PLPP6: variants seen among roughly 807,000 people sequenced by gnomAD.
PLPP6 encodes polyisoprenoid diphosphate/phosphate phosphohydrolase PLPP6.
A neutral mutation model predicts 16.5 loss-of-function variants in PLPP6; 16 were observed. The observed-to-expected ratio is 0.97, with a 90% CI of 0.66 to 1.47. The LOEUF is 1.47. Among genes scored for constraint, PLPP6 ranks in the 40% most tolerant of loss-of-function variants. PLPP6 has a pLI of 0.00. For missense variants in PLPP6, 512 were observed against 396.6 expected, an observed-to-expected ratio of 1.29 and a Z score of -2.47; for synonymous variants, 226 against 188.1, an observed-to-expected ratio of 1.20 and a Z score of -1.65.
In PLPP6 at chr9:4,663,288, AG is replaced by A; in HGVS notation, c.*27del. Reference sequence around the variant, plus strand: ...ACACCATCTCATTGATTATGGCACCAGGAAGTCTGAAGGTTTCCACATTCGA... The same window carrying A: ...ACACCATCTCATTGATTATGGCACCAGAAGTCTGAAGGTTTCCACATTCGA... On this transcript the variant is annotated 3_prime_UTR_variant, in exon 1 of 1. Transcript: ENST00000381883. The A allele has an allele frequency of 6.3e-7, 1 of 1,599,362 alleles. No individual in the cohort carries two copies. The highest frequency in any genetic ancestry group is 8.5e-7 in the Non-Finnish European group (1 of 1,170,314).
Position 4,663,315 on chromosome 9 carries a change from T to C in PLPP6, c.*52T>C. ...GAAGTCTGAAGGTTTCCACATTCGA[T>C]GATGTCAACCTAAACCAGCAGCCAT... is the stretch of plus-strand genomic sequence containing the variant. On this transcript the variant is annotated 3_prime_UTR_variant, in exon 1 of 1. Transcript: ENST00000381883. 2 of 1,560,876 alleles carry C rather than the reference T, an allele frequency of 1.3e-6. No individual in the cohort carries two copies. Among genetic ancestry groups the C allele is most frequent in the East Asian group, 2.2e-5 (1 of 44,474 alleles).
chr9:4,663,636 A>C lies in PLPP6; in HGVS notation c.*373A>C, dbSNP rs2130813318. ...AATCAACATACCACTTGTAAACTGA[A>C]CTTCGAGAAAGAAACATGATGTTCA... is the stretch of plus-strand genomic sequence containing the variant. On this transcript the variant is annotated 3_prime_UTR_variant, in exon 1 of 1. Coordinates refer to ENST00000381883, the MANE Select transcript of PLPP6 (RefSeq NM_203453.5). 1 of 210,448 alleles carries C rather than the reference A, an allele frequency of 4.8e-6. No homozygotes were observed. The highest frequency in any genetic ancestry group is 1.2e-4 in the South Asian group (1 of 8,474). The allele number at this position is 210,448 out of a possible 1,614,324, so 13.0% of individuals were successfully genotyped here. A position where few individuals can be genotyped will look rare whatever the true frequency, so the allele number is the denominator to read the frequency against.
At position 4,664,924 on chromosome 9, in the gene PLPP6, T is replaced by C. The variant is rs1424842745; in HGVS notation, c.*1661T>C. On this transcript the variant is annotated 3_prime_UTR_variant, in exon 1 of 1. Coordinates refer to ENST00000381883, the MANE Select transcript of PLPP6 (RefSeq NM_203453.5). ...AGCTAAACTGTGAAGCTCTAAGTGG[T>C]TTGGGTTTGTTGTTTAACCTTAGCG... The C allele has an allele frequency of 6.0e-6, 1 of 167,092 alleles. No individual in the cohort carries two copies. The highest frequency in any genetic ancestry group is 1.5e-5 in the Non-Finnish European group (1 of 68,122). 10.4% of individuals were successfully genotyped at this position (167,092 alleles called of 1,614,324 possible). A position where few individuals can be genotyped will look rare whatever the true frequency, so the allele number is the denominator to read the frequency against.
rs566288275 is a variant in PLPP6 at position 4,662,313 on chromosome 9, C to G, written c.-63C>G. The G allele has an allele frequency of 1.6e-5, 23 of 1,441,648 alleles. No individual in the cohort carries two copies. In the South Asian group the frequency reaches 2.8e-4, roughly 17 times the overall value. 89.3% of individuals were successfully genotyped at this position (1,441,648 alleles called of 1,614,324 possible). ...GATGGTAGTGCGGAAGCGGAAGAGG[C>G]TGCAGGGCCGGGAAGCCTCTGTTTG... is the stretch of plus-strand genomic sequence containing the variant. On this transcript the variant is annotated 5_prime_UTR_variant, in exon 1 of 1. Transcript: ENST00000381883. The surrounding 1 kb of genome is among the most constrained non-coding windows in gnomAD (Gnocchi z 4.9).
Position 4,664,562 on chromosome 9 carries a change from C to T in PLPP6, c.*1299C>T, listed in dbSNP as rs1840574623. 1.8e-5 allele frequency: 3 copies of T among 167,058 alleles called. No individual in the cohort carries two copies. The highest frequency in any genetic ancestry group is 4.4e-5 in the Non-Finnish European group (3 of 68,108). The allele number at this position is 167,058 out of a possible 1,614,324, so 10.3% of individuals were successfully genotyped here. On this transcript the variant is annotated 3_prime_UTR_variant, in exon 1 of 1. Coordinates refer to ENST00000381883, the MANE Select transcript of PLPP6 (RefSeq NM_203453.5). ...CACCAAACGCAGGGTGGACTCTGCT[C>T]ATTATTCTTTGACCCAGAAAGACTG...
At position 4,664,030 on chromosome 9, in the gene PLPP6, A is replaced by C. The variant is rs1840468057; in HGVS notation, c.*767A>C. Reference sequence around the variant, plus strand: ...ACTTGCTTAAAGAGGAATCACTTAAAAGGTAGGCATATCTAAGATGCTCAT... The same window carrying C: ...ACTTGCTTAAAGAGGAATCACTTAACAGGTAGGCATATCTAAGATGCTCAT... On this transcript the variant is annotated 3_prime_UTR_variant, in exon 1 of 1. Coordinates refer to ENST00000381883, the MANE Select transcript of PLPP6 (RefSeq NM_203453.5). The C allele has an allele frequency of 6.0e-6, 1 of 167,134 alleles. No individual in the cohort carries two copies. The highest frequency in any genetic ancestry group is 2.4e-5 in the African/African-American group (1 of 41,464). The allele number at this position is 167,134 out of a possible 1,614,324, so 10.4% of individuals were successfully genotyped here.
Position 4,662,411 on chromosome 9 carries a change from G to A in PLPP6, c.36G>A (p.Pro12=), listed in dbSNP as rs956700342. 1.3e-6 allele frequency: 2 copies of A among 1,536,356 alleles called. No individual in the cohort carries two copies. The highest frequency in any genetic ancestry group is 1.7e-6 in the Non-Finnish European group (2 of 1,149,428). ...PSPRRSMEGR[P]LGVSASSSSS... ...CCCGGAGGAGCATGGAGGGACGGCC[G>A]CTGGGCGTCTCCGCTTCGAGCAGCA... Residue 12 remains proline (P), a synonymous_variant, in exon 1 of 1, where the codon CCG becomes CCA. Coordinates refer to ENST00000381883, the MANE Select transcript of PLPP6 (RefSeq NM_203453.5). This position sits in a 1 kb window ranked among gnomAD's most constrained non-coding sequence, Gnocchi z 4.9.
Position 4,664,532 on chromosome 9 carries a change from A to G in PLPP6, c.*1269A>G, listed in dbSNP as rs1194823913. On this transcript the variant is annotated 3_prime_UTR_variant, in exon 1 of 1. Transcript: ENST00000381883. ...GGTGCCTCCCCAAATCATAAGACCA[A>G]AGACCACCAAACGCAGGGTGGACTC... 6.0e-6 allele frequency: 1 copy of G among 167,068 alleles called. No homozygotes were observed. Among genetic ancestry groups the G allele is most frequent in the Non-Finnish European group, 1.5e-5 (1 of 68,118 alleles). The allele number at this position is 167,068 out of a possible 1,614,324, so 10.3% of individuals were successfully genotyped here. A position where few individuals can be genotyped will look rare whatever the true frequency, so the allele number is the denominator to read the frequency against.
In PLPP6 at chr9:4,662,960, C is replaced by A. The variant is rs939386715; in HGVS notation, c.585C>A (p.Asn195Lys). The change falls in exon 1 of 1, where the codon AAC becomes AAA. Residue 195 changes from asparagine to lysine, a missense_variant. Asn to Lys is a moderately conservative substitution (Grantham distance 94, BLOSUM62 0). Transcript: ENST00000381883. This position sits in a 1 kb window ranked among gnomAD's most constrained non-coding sequence, Gnocchi z 4.9. ...GLVRRRRPAH[N>K]QMDMFVTLSV... ...TCCGCAGGCGCCGCCCGGCCCACAA[C>A]CAGATGGACATGTTTGTCACTCTCT... The A allele has an allele frequency of 6.2e-7, 1 of 1,612,596 alleles. No homozygotes were observed. The highest frequency in any genetic ancestry group is 8.5e-7 in the Non-Finnish European group (1 of 1,179,938).
chr9:4,663,203 C>G lies in PLPP6; in HGVS notation c.828C>G (p.Asp276Glu). The G allele has an allele frequency of 6.2e-7, 1 of 1,614,080 alleles. No homozygotes were observed. Among genetic ancestry groups the G allele is most frequent in the Non-Finnish European group, 8.5e-7 (1 of 1,180,004 alleles). ...FLGYMQYSIVDYCWLSPHNAP... is the reference protein window; with the variant it reads ...FLGYMQYSIVEYCWLSPHNAP... ...GCTACATGCAGTACAGCATCGTGGA[C>G]TATTGCTGGCTCTCACCCCATAATG... Residue 276 changes from aspartate (D) to glutamate (E), a missense_variant, in exon 1 of 1, where the codon GAC becomes GAG. Transcript: ENST00000381883.
rs752895693 is a variant in PLPP6, at chr9:4,664,437, T to C, written c.*1174T>C. On this transcript the variant is annotated 3_prime_UTR_variant, in exon 1 of 1. Coordinates refer to ENST00000381883, the MANE Select transcript of PLPP6 (RefSeq NM_203453.5). ...AATTCATCATGGGAGTCTGCTGCTA[T>C]ACCAGGCACAAGATAAAACTCCAAA... 2.4e-5 allele frequency: 4 copies of C among 167,074 alleles called. No individual in the cohort carries two copies. Among genetic ancestry groups the C allele is most frequent in the African/African-American group, 7.2e-5 (3 of 41,472 alleles). The allele number at this position is 167,074 out of a possible 1,614,324, so 10.3% of individuals were successfully genotyped here.
In PLPP6 at chr9:4,664,658, C is replaced by G. The variant is rs1312663829; in HGVS notation, c.*1395C>G. ...TTTAAATTACCTATGGAAGTGATGT[C>G]CTCAGATAATCTTAATGACTATTTT... On this transcript the variant is annotated 3_prime_UTR_variant, in exon 1 of 1. Coordinates refer to ENST00000381883, the MANE Select transcript of PLPP6 (RefSeq NM_203453.5). 1.2e-5 allele frequency: 2 copies of G among 167,052 alleles called. No homozygotes were observed. Among genetic ancestry groups the G allele is most frequent in the Non-Finnish European group, 2.9e-5 (2 of 68,126 alleles). The allele number at this position is 167,052 out of a possible 1,614,324, so 10.3% of individuals were successfully genotyped here.
rs1587562180 is a variant in PLPP6 at position 4,662,294 on chromosome 9, A to G, written c.-82A>G. On this transcript the variant is annotated 5_prime_UTR_variant, in exon 1 of 1. Coordinates refer to ENST00000381883, the MANE Select transcript of PLPP6 (RefSeq NM_203453.5). This position sits in a 1 kb window ranked among gnomAD's most constrained non-coding sequence, Gnocchi z 4.9. ...CCTCTCCCCGCCCCTCCGGGATGGT[A>G]GTGCGGAAGCGGAAGAGGCTGCAGG... 1 of 1,434,754 alleles carries G rather than the reference A, an allele frequency of 7.0e-7. No homozygotes were observed. The highest frequency in any genetic ancestry group is 9.1e-7 in the Non-Finnish European group (1 of 1,099,540). 88.9% of individuals were successfully genotyped at this position (1,434,754 alleles called of 1,614,324 possible). A position where few individuals can be genotyped will look rare whatever the true frequency, so the allele number is the denominator to read the frequency against.
rs759442679 is a variant in PLPP6, at chr9:4,663,017, T to C, written c.642T>C (p.His214=). The C allele has an allele frequency of 1.2e-6, 2 of 1,613,652 alleles. No individual in the cohort carries two copies. The highest frequency in any genetic ancestry group is 2.7e-5 in the African/African-American group (2 of 74,868). ...SVDKYSFPSG[H]ATRAALMSRF... is the part of the protein sequence containing the mutation. ...ACAAGTACTCCTTCCCCTCGGGCCA[T>C]GCCACAAGGGCCGCCCTGATGTCGA... Residue 214 remains histidine, a synonymous_variant, in exon 1 of 1, where the codon CAT becomes CAC. Transcript: ENST00000381883.
At position 4,664,345 on chromosome 9, in the gene PLPP6, A is replaced by C. The variant is rs1305103485; in HGVS notation, c.*1082A>C. On this transcript the variant is annotated 3_prime_UTR_variant, in exon 1 of 1. Transcript: ENST00000381883. ...GCTTTCTCGTATATACCTGTATGCT[A>C]CAGTTTTTCACATGGAATTCCGTTT... 2 of 166,988 alleles carry C rather than the reference A, an allele frequency of 1.2e-5. No homozygotes were observed. Among genetic ancestry groups the C allele is most frequent in the African/African-American group, 4.8e-5 (2 of 41,474 alleles). 10.3% of individuals were successfully genotyped at this position (166,988 alleles called of 1,614,324 possible). A position where few individuals can be genotyped will look rare whatever the true frequency, so the allele number is the denominator to read the frequency against.
rs1243154316 is a variant in PLPP6 at position 4,664,440 on chromosome 9, C to G, written c.*1177C>G. 1.2e-5 allele frequency: 2 copies of G among 166,966 alleles called. No individual in the cohort carries two copies. The highest frequency in any genetic ancestry group is 4.8e-5 in the African/African-American group (2 of 41,408). The allele number at this position is 166,966 out of a possible 1,614,324, so 10.3% of individuals were successfully genotyped here. ...TCATCATGGGAGTCTGCTGCTATAC[C>G]AGGCACAAGATAAAACTCCAAAATT... On this transcript the variant is annotated 3_prime_UTR_variant, in exon 1 of 1. Transcript: ENST00000381883.
rs1455768346 is a variant in PLPP6 at position 4,663,281 on chromosome 9, T to C, written c.*18T>C. 1.9e-6 allele frequency: 3 copies of C among 1,604,280 alleles called. No homozygotes were observed. The highest frequency in any genetic ancestry group is 3.4e-5 in the Admixed American group (2 of 59,604). On this transcript the variant is annotated 3_prime_UTR_variant, in exon 1 of 1. Transcript: ENST00000381883. The stretch of plus-strand genomic sequence containing the variant: ...AACGATGACACCATCTCATTGATTA[T>C]GGCACCAGGAAGTCTGAAGGTTTCC...
At position 4,663,145 on chromosome 9, in the gene PLPP6, A is replaced by C; in HGVS notation, c.770A>C (p.Asn257Thr). 6.2e-7 allele frequency: 1 copy of C among 1,614,066 alleles called. No individual in the cohort carries two copies. Among genetic ancestry groups the C allele is most frequent in the East Asian group, 2.2e-5 (1 of 44,860 alleles). ...TCCAGGGTCATGCTGGGGCGGCACA[A>C]TGTCACCGACGTAGCTTTTGGCTTT... Reference protein sequence around the residue: ...GLSRVMLGRHNVTDVAFGFFL... With the variant: ...GLSRVMLGRHTVTDVAFGFFL... Residue 257 changes from asparagine to threonine, a missense_variant, in exon 1 of 1, where the codon AAT (asparagine) becomes ACT (threonine). Physicochemically the swap from Asn to Thr is moderately conservative, Grantham distance 65. Coordinates refer to ENST00000381883, the MANE Select transcript of PLPP6 (RefSeq NM_203453.5).
Position 4,662,422 on chromosome 9 carries a change from C to T in PLPP6, c.47C>T (p.Ser16Phe), listed in dbSNP as rs765650862. Reference protein sequence around the residue: ...RSMEGRPLGVSASSSSSSPGS... With the variant: ...RSMEGRPLGVFASSSSSSPGS... ...ATGGAGGGACGGCCGCTGGGCGTCT[C>T]CGCTTCGAGCAGCAGCAGCAGCCCC... is the stretch of plus-strand genomic sequence containing the variant. The change falls in exon 1 of 1, where the codon TCC (serine) becomes TTC (phenylalanine). Residue 16 changes from serine (S) to phenylalanine (F), a missense_variant. Transcript: ENST00000381883. The surrounding 1 kb of genome is among the most constrained non-coding windows in gnomAD (Gnocchi z 4.9). 1.3e-6 allele frequency: 2 copies of T among 1,539,790 alleles called. No individual in the cohort carries two copies. Among genetic ancestry groups the T allele is most frequent in the Non-Finnish European group, 8.7e-7 (1 of 1,151,184 alleles).
Sources: allele counts gnomAD v4.1 joint callset, GRCh38; gene constraint gnomAD v4.1.1; non-coding constraint Gnocchi (gnomAD v3.1); transcripts MANE v1.5; gene names NCBI Gene and HGNC (gene_info 2026-07-23, HGNC 2026-07-21).